Variants in PPP2R2B observed in about 807,000 individuals in gnomAD.
PPP2R2B encodes the protein serine/threonine-protein phosphatase 2A 55 kDa regulatory subunit B beta isoform.
PPP2R2B carries 5 observed loss-of-function variants against 46.0 expected under a neutral mutation model. The ratio of observed to expected loss-of-function variants is 0.11; its 90% CI spans 0.06 to 0.23. PPP2R2B has a LOEUF of 0.23. PPP2R2B is among the 10% of genes least tolerant of loss of function. The pLI, the probability that PPP2R2B is intolerant of heterozygous loss-of-function variation, is 1.00. For synonymous variants in PPP2R2B, 215 were observed against 206.7 expected, an observed-to-expected ratio of 1.04 and a Z score of -0.34; for missense variants, 367 against 575.0, an observed-to-expected ratio of 0.64 and a Z score of 3.70.
At chr5:146,742,013 T>G (rs1457171494) in intron 2 of PPP2R2B, among the ~76,000 whole-genome samples, 2 of 152,184 alleles carry the variant, frequency 1.3e-5, no homozygotes, top group African/African-American at 4.8e-5. Flanking sequence ...ACTATCTTCT[T>G]GTAATTATCT....
chr5:146,805,102 T>G (rs1327979501), intron 2 of PPP2R2B, among the ~76,000 whole-genome samples: 4 of 152,134 alleles, frequency 2.6e-5, no homozygotes, highest in Admixed American at 2.0e-4. Flanking sequence ...GGAGAAGGAT[T>G]TAATTGCAGA....
rs560568621 is a variant in PPP2R2B at position 147,074,688 on chromosome 5, A to C, written c.50+6371T>G. Reference sequence around the variant, plus strand: ...CTCGAATTTCTTAAACATCCATGCAAAAGGAAACATTACTGCAAATGTTAT... The same window carrying C: ...CTCGAATTTCTTAAACATCCATGCACAAGGAAACATTACTGCAAATGTTAT... On this transcript the variant is annotated intron_variant, in intron 2 of 10. Coordinates refer to the PPP2R2B transcript ENST00000394413. Among the ~76,000 whole-genome samples the C allele has an allele frequency of 8.5e-5, 13 of 152,310 alleles. No individual in the cohort carries two copies. The South Asian group carries it at 2.5e-3, about 29-fold the overall frequency.
At chr5:146,906,632 A>C (rs947949994) in intron 1 of PPP2R2B, among the ~76,000 whole-genome samples, 2 of 152,164 alleles carry the variant, frequency 1.3e-5, no homozygotes, top group South Asian at 2.1e-4. Context: ...TTTTTCTTTT[A>C]TTTTTAATTG....
At chr5:146,947,777 C>T (rs555889929) in intron 1 of PPP2R2B, among the ~76,000 whole-genome samples, 14 of 151,782 alleles carry the variant, frequency 9.2e-5, no homozygotes, top group Middle Eastern at 6.8e-3. Context: ...TCTTTGGAGC[C>T]GCTGTAAGTG....
intron 2 of PPP2R2B, among the ~76,000 whole-genome samples, chr5:147,068,750 A>C (rs187127889): frequency 6.6e-6 from 1 of 152,226 alleles, no homozygotes; most frequent in East Asian, 1.9e-4. Flanking sequence ...AAAAATTGCC[A>C]TCAGTTTTCC....
At chr5:146,983,204 G>A (rs13172448) in intron 1 of PPP2R2B, among the ~76,000 whole-genome samples, 7,929 of 55,840 alleles carry the variant, frequency 0.14, 330 homozygotes, top group Non-Finnish European at 0.21. Flanking sequence ...TTTTTGAGAC[G>A]GAGTCTTGCT....
At chr5:146,992,695 G>C in intron 1 of PPP2R2B, among the ~76,000 whole-genome samples, 1 of 152,136 alleles carries the variant, frequency 6.6e-6, no homozygotes, top group Non-Finnish European at 1.5e-5. Context: ...CAACATAGTT[G>C]GGATAAAGTC....
At chr5:146,675,626 G>A (rs1777658664) in intron 5 of PPP2R2B, among the ~76,000 whole-genome samples, 1 of 152,208 alleles carries the variant, frequency 6.6e-6, no homozygotes, top group Admixed American at 6.5e-5. Flanking sequence ...GCTATTGTTA[G>A]ATTAGCAGTA....
intron 1 of PPP2R2B, among the ~76,000 whole-genome samples, chr5:147,003,898 G>T (rs189441335): frequency 6.6e-6 from 1 of 152,178 alleles, no homozygotes. Flanking sequence ...CTCACTCGAG[G>T]GTCAATTGAT....
chr5:146,746,362 A>T (rs1753190421), intron 2 of PPP2R2B, among the ~76,000 whole-genome samples: 1 of 134,092 alleles, frequency 7.5e-6, no homozygotes, highest in African/African-American at 2.8e-5. Context: ...TGACTTTGAA[A>T]CAGCTTTTGG....
chr5:146,759,396 C>T (rs1314269464), intron 2 of PPP2R2B, among the ~76,000 whole-genome samples: 3 of 152,172 alleles, frequency 2.0e-5, no homozygotes, highest in African/African-American at 4.8e-5. Context: ...CCTCATAACA[C>T]TCAGGGAAAA....
At chr5:147,000,198 G>T (rs1216662755) in intron 1 of PPP2R2B, among the ~76,000 whole-genome samples, 1 of 152,000 alleles carries the variant, frequency 6.6e-6, no homozygotes, top group Non-Finnish European at 1.5e-5. Flanking sequence ...TCTAAATATG[G>T]CATTAAGATA....
chr5:146,918,292 C>A (rs973449471), intron 1 of PPP2R2B: 17 of 152,124 alleles, frequency 1.1e-4, no homozygotes, highest in African/African-American at 4.1e-4. Flanking sequence ...GTTTTCCCAG[C>A]CTTTCAGGAT....
At chr5:146,954,999 G>T (rs187998257) in intron 1 of PPP2R2B, among the ~76,000 whole-genome samples, 8 of 152,198 alleles carry the variant, frequency 5.3e-5, no homozygotes, top group Admixed American at 4.6e-4. Context: ...TAACTTATCT[G>T]CTCGATGGTC....
upstream of PPP2R2B, among the ~76,000 whole-genome samples, chr5:147,057,661 G>A (rs867789085): frequency 6.6e-6 from 1 of 152,208 alleles, no homozygotes; most frequent in African/African-American, 2.4e-5. Context: ...TTGCAGGCAC[G>A]TGATAAACTA....
chr5:146,993,168 C>T (rs893630194), intron 1 of PPP2R2B, among the ~76,000 whole-genome samples: 3 of 151,966 alleles, frequency 2.0e-5, no homozygotes, highest in East Asian at 1.9e-4. Flanking sequence ...GTCTCAAACT[C>T]GTAATCTCAG....
intron 2 of PPP2R2B, among the ~76,000 whole-genome samples, chr5:146,875,157 G>A (rs539421063): frequency 3.3e-5 from 5 of 152,274 alleles, no homozygotes; most frequent in South Asian, 4.1e-4. Context: ...AGTTGCATCA[G>A]TTTCCTTCTT....
At chr5:146,942,688 T>C (rs995720865) in intron 1 of PPP2R2B, among the ~76,000 whole-genome samples, 6 of 152,206 alleles carry the variant, frequency 3.9e-5, no homozygotes, top group Non-Finnish European at 8.8e-5. Context: ...AGATTACAAG[T>C]ATTAGTATGA....
rs914270243 is a variant in PPP2R2B, at chr5:146,807,935, G to A, written c.70+70067C>T. Among the ~76,000 whole-genome samples the A allele has an allele frequency of 3.3e-5, 5 of 151,756 alleles. 1 individual carries two copies. The South Asian group carries it at 8.4e-4, about 25-fold the overall frequency. On this transcript the variant is annotated intron_variant, in intron 2 of 9. Transcript: ENST00000394411. ...CTGCCTCAGCCTCCCAAGTAGGTGAGATTACATGTGCCTACCACCACGCCC... is the reference window on the plus strand; with the variant it reads ...CTGCCTCAGCCTCCCAAGTAGGTGAAATTACATGTGCCTACCACCACGCCC...
Sources: gnomAD v4.1 joint callset for allele counts (sites outside exome capture counted in the v4.1 genomes callset) on GRCh38, gnomAD v4.1.1 for gene constraint, MANE v1.5 for transcripts, NCBI Gene and HGNC (gene_info 2026-07-23, HGNC 2026-07-21) for gene names.